The following ARHGAP31 variants were observed in gnomAD, a reference collection of about 807,000 sequenced individuals.
ARHGAP31 encodes rho GTPase-activating protein 31.
A neutral mutation model predicts 113.9 loss-of-function variants in ARHGAP31; 34 were observed. The ratio of observed to expected loss-of-function variants is 0.30; its 90% CI spans 0.23 to 0.40. The LOEUF is 0.40. Among genes scored for constraint, ARHGAP31 ranks in the 10% least tolerant of loss-of-function variants. The pLI, the probability that ARHGAP31 is intolerant of heterozygous loss-of-function variation, is 1.00. For missense variants in ARHGAP31, 1,548 were observed against 1,767.1 expected (o/e 0.88, Z 2.22); for synonymous variants, 650 against 684.8 (o/e 0.95, Z 0.79).
At chr3:119,336,942 A>C (rs1000072345) in intron 1 of ARHGAP31, among the ~76,000 whole-genome samples, 4 of 152,210 alleles carry the variant, frequency 2.6e-5, no homozygotes, top group African/African-American at 9.7e-5. Context: ...TCTTACATTT[A>C]CAATATTTTC....
At chr3:119,403,321 G>A (rs753061741) in intron 10 of ARHGAP31, among the ~76,000 whole-genome samples, 15 of 152,050 alleles carry the variant, frequency 9.9e-5, no homozygotes, top group Non-Finnish European at 2.1e-4. Flanking sequence ...TCCTTAAAGA[G>A]GAATGGTTTA....
At chr3:119,300,589 G>A (rs1413181841) in intron 1 of ARHGAP31, among the ~76,000 whole-genome samples, 2 of 152,078 alleles carry the variant, frequency 1.3e-5, no homozygotes, top group Admixed American at 1.3e-4. Flanking sequence ...AGCACTTTGG[G>A]AGGCCAAAGT....
chr3:119,319,710 C>T (rs1409974242), intron 1 of ARHGAP31, among the ~76,000 whole-genome samples: 2 of 152,072 alleles, frequency 1.3e-5, no homozygotes, highest in African/African-American at 2.4e-5. Flanking sequence ...AGCGGTTCCC[C>T]CTCTTTCCCT....
Position 119,414,797 on chromosome 3 carries a change from T to A in ARHGAP31, c.2868T>A (p.Asp956Glu). The change falls in exon 12 of 12, where the codon GAT becomes GAA. Residue 956 changes from aspartate to glutamate, a missense_variant. By Grantham distance (45) the Asp-to-Glu change is conservative. Transcript: ENST00000264245. ...GCCTTCGCCAGAGCCATTCTCTAGA[T>A]AGCAAACCCACGGTTAAAAGCCAGT... ...RPSLRQSHSLDSKPTVKSQWT... is the reference protein window; with the variant it reads ...RPSLRQSHSLESKPTVKSQWT... 6.2e-7 allele frequency: 1 copy of A among 1,614,184 alleles called. No homozygotes were observed. The highest frequency in any genetic ancestry group is 8.5e-7 in the Non-Finnish European group (1 of 1,180,030).
Position 119,393,512 on chromosome 3 carries a change from C to T in ARHGAP31, c.927C>T (p.Asn309=). The T allele has an allele frequency of 6.2e-7, 1 of 1,614,108 alleles. No homozygotes were observed. The highest frequency in any genetic ancestry group is 8.5e-7 in the Non-Finnish European group (1 of 1,179,970). Residue 309 remains asparagine (N), a synonymous_variant, in exon 8 of 12, where the codon AAC becomes AAT. Transcript: ENST00000264245. ...SKSKKWKSIF[N]LGRSGSDSKS... is the part of the protein sequence containing the mutation. Reference sequence around the variant, plus strand: ...CAAAGAAGTGGAAATCAATATTTAACCTGGGACGTTCTGGATCAGACTCCA... The same window carrying T: ...CAAAGAAGTGGAAATCAATATTTAATCTGGGACGTTCTGGATCAGACTCCA...
At chr3:119,347,841 C>T (rs957133478) in intron 1 of ARHGAP31, among the ~76,000 whole-genome samples, 15 of 152,170 alleles carry the variant, frequency 9.9e-5, no homozygotes, top group African/African-American at 2.9e-4. Flanking sequence ...AATTCTGAAG[C>T]TCTTAAAGGG....
intron 1 of ARHGAP31, among the ~76,000 whole-genome samples, chr3:119,357,620 T>C (rs2080169672): frequency 6.6e-6 from 1 of 152,188 alleles, no homozygotes; most frequent in African/African-American, 2.4e-5. Flanking sequence ...AGTGAAATAA[T>C]AATAAAACAA....
intron 1 of ARHGAP31, among the ~76,000 whole-genome samples, chr3:119,316,230 GT>G (rs934209282): frequency 2.6e-5 from 4 of 152,226 alleles, no homozygotes; most frequent in African/African-American, 9.7e-5. Flanking sequence ...GTCTCATGGA[GT>G]GGGGATCTAA....
At position 119,419,380 on chromosome 3, in the gene ARHGAP31, C is replaced by G. The variant is rs2080804538; in HGVS notation, c.*3116C>G. 6.6e-6 allele frequency: 1 copy of G among 152,142 alleles called. No homozygotes were observed. Among genetic ancestry groups the G allele is most frequent in the Non-Finnish European group, 1.5e-5 (1 of 68,034 alleles). The allele number at this position is 152,142 out of a possible 1,614,324, so 9.4% of individuals were successfully genotyped here. ...GAATATGAAGAAATCTGAACAAGAA[C>G]CCCATTAAGACACCTAACCTAATCT... On this transcript the variant is annotated 3_prime_UTR_variant, in exon 12 of 12. Coordinates refer to ENST00000264245, the MANE Select transcript of ARHGAP31 (RefSeq NM_020754.4).
At chr3:119,330,245 G>T (rs375679374) in intron 1 of ARHGAP31, among the ~76,000 whole-genome samples, 4 of 152,200 alleles carry the variant, frequency 2.6e-5, no homozygotes, top group East Asian at 3.9e-4. Context: ...AGCTATCCTA[G>T]AGAACCCAGA....
chr3:119,361,421 G>A (rs1196874053), intron 1 of ARHGAP31, among the ~76,000 whole-genome samples: 3 of 139,468 alleles, frequency 2.2e-5, no homozygotes, highest in Admixed American at 7.6e-5. Flanking sequence ...TAGCTTTGTC[G>A]CCCAGTCTGG....
At chr3:119,406,507 A>G (rs930290583) in intron 10 of ARHGAP31, among the ~76,000 whole-genome samples, 1 of 152,212 alleles carries the variant, frequency 6.6e-6, no homozygotes, top group African/African-American at 2.4e-5. Flanking sequence ...GCCCCGCTTT[A>G]GGGGTCTGGT....
At chr3:119,360,462 A>C (rs1038815336) in intron 1 of ARHGAP31, among the ~76,000 whole-genome samples, 4 of 152,226 alleles carry the variant, frequency 2.6e-5, no homozygotes, top group African/African-American at 7.2e-5. Flanking sequence ...TGCTTCTTTC[A>C]ATCTCTGTCT....
chr3:119,339,487 C>CTACCCAGTA (rs2079988862), intron 1 of ARHGAP31, among the ~76,000 whole-genome samples: 1 of 152,156 alleles, frequency 6.6e-6, no homozygotes, highest in Non-Finnish European at 1.5e-5. Context: ...AAGAATCACT[C>CTACCCAGTA]TACCCAGTAT....
chr3:119,415,644 A>G lies in ARHGAP31; in HGVS notation c.3715A>G (p.Thr1239Ala). ...LERSQEGPSS[T>A]SGTTQKPAKD... ...GAGGAGCCAGGAGGGACCCAGCTCA[A>G]CCAGTGGGACCACTCAGAAACCTGC... The change falls in exon 12 of 12, where the codon ACC becomes GCC. Residue 1239 changes from threonine (T) to alanine (A), a missense_variant. Transcript: ENST00000264245. 1.2e-6 allele frequency: 2 copies of G among 1,614,158 alleles called. No individual in the cohort carries two copies. Among genetic ancestry groups the G allele is most frequent in the Non-Finnish European group, 1.7e-6 (2 of 1,180,014 alleles).
intron 4 of ARHGAP31, among the ~76,000 whole-genome samples, chr3:119,381,991 A>AT (rs1466354153): frequency 6.7e-6 from 1 of 150,374 alleles, no homozygotes; most frequent in Non-Finnish European, 1.5e-5. Context: ...GTCTCAAAAA[A>AT]AAAAAAAAAA....
chr3:119,364,859 A>G (rs112697534), intron 1 of ARHGAP31, among the ~76,000 whole-genome samples: 10,654 of 152,266 alleles, frequency 0.07, 482 homozygotes, highest in South Asian at 0.1. Flanking sequence ...TTGGGAGGCC[A>G]AGGCGGGTGG....
intron 1 of ARHGAP31, chr3:119,298,906 G>T (rs1481996471): frequency 4.2e-6 from 1 of 237,280 alleles, no homozygotes; most frequent in Admixed American, 4.0e-5. Flanking sequence ...GCCATTCACA[G>T]CAAGGTAGTC....
At chr3:119,337,506 G>A (rs746510172) in intron 1 of ARHGAP31, among the ~76,000 whole-genome samples, 2 of 152,162 alleles carry the variant, frequency 1.3e-5, no homozygotes, top group Non-Finnish European at 2.9e-5. Context: ...ATACTGACGG[G>A]ACCCAAATGA....
Sources: allele counts gnomAD v4.1 joint callset (sites outside exome capture counted in the v4.1 genomes callset), GRCh38; gene constraint gnomAD v4.1.1; transcripts MANE v1.5; gene names NCBI Gene and HGNC (gene_info 2026-07-23, HGNC 2026-07-21).